The following POPDC2 variants were observed in gnomAD, a reference collection of about 807,000 sequenced individuals.
POPDC2 encodes popeye domain-containing protein 2.
POPDC2 carries 24 observed loss-of-function variants against 30.5 expected under a neutral mutation model. The ratio of observed to expected loss-of-function variants is 0.79; its 90% CI spans 0.57 to 1.11. The LOEUF is 1.11. POPDC2 is among the 50% of genes least tolerant of loss of function. The probability of loss-of-function intolerance (pLI) is 0.00; values close to 1 mark genes in which losing one functional copy is unlikely to be tolerated. For missense variants in POPDC2, 409 were observed against 447.0 expected, an observed-to-expected ratio of 0.91 and a Z score of 0.77; for synonymous variants, 185 against 183.3, an observed-to-expected ratio of 1.01 and a Z score of -0.07.
At chr3:119,645,696 C>T (rs2052738555) in intron 3 of POPDC2, among the ~76,000 whole-genome samples, 1 of 152,118 alleles carries the variant, frequency 6.6e-6, no homozygotes, top group Admixed American at 6.5e-5. Flanking sequence ...CAAGACCCAC[C>T]ACCACAAGGG....
At position 119,642,335 on chromosome 3, in the gene POPDC2, C is replaced by T. The variant is rs1330511899; in HGVS notation, c.*270G>A. 1.6e-5 allele frequency: 10 copies of T among 608,288 alleles called. No individual in the cohort carries two copies. Among genetic ancestry groups the T allele is most frequent in the Non-Finnish European group, 2.7e-5 (9 of 337,338 alleles). 37.7% of individuals were successfully genotyped at this position (608,288 alleles called of 1,614,324 possible). A position where few individuals can be genotyped will look rare whatever the true frequency, so the allele number is the denominator to read the frequency against. On this transcript the variant is annotated 3_prime_UTR_variant, in exon 4 of 4. Transcript: ENST00000493094. ...TCACTTCAGGTCCTTACTGTAGCGA[C>T]AGTGTTGGCACCTTCTGTGTCCTCT...
intron 2 of POPDC2, among the ~76,000 whole-genome samples, chr3:119,653,682 T>C (rs567809167): frequency 2.0e-5 from 3 of 152,236 alleles, no homozygotes; most frequent in Admixed American, 6.5e-5. Context: ...TTTCATCGTG[T>C]TAGCCAGGAT....
chr3:119,658,805 T>G (rs1357395209), intron 1 of POPDC2, among the ~76,000 whole-genome samples: 1 of 152,162 alleles, frequency 6.6e-6, no homozygotes, highest in African/African-American at 2.4e-5. Context: ...TCAGGTTCTA[T>G]AAATGAATAC....
intron 1 of POPDC2, among the ~76,000 whole-genome samples, chr3:119,655,572 T>C (rs2052870076): frequency 6.6e-6 from 1 of 152,192 alleles, no homozygotes; most frequent in Non-Finnish European, 1.5e-5. Context: ...TGAAGATTCA[T>C]GCTTACATTT....
chr3:119,642,341 TG>T lies in POPDC2; in HGVS notation c.*263del, dbSNP rs2052699166. ...CAGGTCCTTACTGTAGCGACAGTGT[TG>T]GCACCTTCTGTGTCCTCTCTCACCT... is the stretch of plus-strand genomic sequence containing the variant. On this transcript the variant is annotated 3_prime_UTR_variant, in exon 4 of 4. Transcript: ENST00000493094. The T allele has an allele frequency of 3.1e-6, 2 of 645,546 alleles. No homozygotes were observed. Among genetic ancestry groups the T allele is most frequent in the Non-Finnish European group, 5.6e-6 (2 of 359,494 alleles). The allele number at this position is 645,546 out of a possible 1,614,324, so 40.0% of individuals were successfully genotyped here.
chr3:119,657,651 C>T (rs1042412481), intron 1 of POPDC2, among the ~76,000 whole-genome samples: 12 of 152,198 alleles, frequency 7.9e-5, no homozygotes, highest in African/African-American at 2.9e-4. Flanking sequence ...TATGTCAGCT[C>T]CTTAGGCGAG....
chr3:119,647,836 A>G (rs777888282), intron 3 of POPDC2, among the ~76,000 whole-genome samples: 10 of 152,212 alleles, frequency 6.6e-5, no homozygotes, highest in Non-Finnish European at 1.2e-4. Context: ...GGCCTCAGCT[A>G]TTAGAATAAA....
At chr3:119,644,063 T>C (rs997896842) in intron 3 of POPDC2, among the ~76,000 whole-genome samples, 1 of 143,866 alleles carries the variant, frequency 7.0e-6, no homozygotes, top group Non-Finnish European at 1.6e-5. Flanking sequence ...CTAAAATATA[T>C]AGTAAATAGT....
intron 3 of POPDC2, among the ~76,000 whole-genome samples, chr3:119,646,918 G>A (rs2052751862): frequency 6.6e-6 from 1 of 152,148 alleles, no homozygotes; most frequent in South Asian, 2.1e-4. Context: ...GGAGTGATCA[G>A]AGTTGTCAAT....
In POPDC2 at chr3:119,653,766, C is replaced by T. The variant is rs181602208; in HGVS notation, c.600+739G>A. Among the ~76,000 whole-genome samples, 360 of 152,286 alleles carry T rather than the reference C, an allele frequency of 2.4e-3. 6 individuals are homozygous for T. Among genetic ancestry groups the T allele is most frequent in the Non-Finnish European group, 9.6e-4 (65 of 68,026 alleles). On this transcript the variant is annotated intron_variant, in intron 2 of 3. Coordinates refer to ENST00000493094, the MANE Select transcript of POPDC2 (RefSeq NM_001369919.2). Reference sequence around the variant, plus strand: ...TGCTGGGATTACAGGCGTGAGCCACCGCGCCCGGCAAGCAATTCTTTACTG... The same window carrying T: ...TGCTGGGATTACAGGCGTGAGCCACTGCGCCCGGCAAGCAATTCTTTACTG...
intron 1 of POPDC2, among the ~76,000 whole-genome samples, chr3:119,658,916 C>CTTTTT (rs35687726): frequency 2.1e-5 from 3 of 139,654 alleles, no homozygotes; most frequent in African/African-American, 2.7e-5. Context: ...TCTGGATTTG[C>CTTTTT]TTTTTTTTTT....
intron 1 of POPDC2, among the ~76,000 whole-genome samples, chr3:119,656,681 C>T (rs1032315290): frequency 5.9e-5 from 9 of 152,114 alleles, no homozygotes; most frequent in Non-Finnish European, 1.0e-4. Flanking sequence ...TCCCCCAACC[C>T]GACCCCTGCC....
In POPDC2 at chr3:119,659,836, CGAAATGGAAAGGGACAT is replaced by C. The variant is rs530148721; in HGVS notation, c.491+80_491+96del. The C allele has an allele frequency of 6.1e-4, 867 of 1,413,342 alleles. 1 individual carries two copies. In the African/African-American group the frequency reaches 7.5e-3, roughly 12 times the overall value. 87.6% of individuals were successfully genotyped at this position (1,413,342 alleles called of 1,614,324 possible). Reference sequence around the variant, plus strand: ...ATCCTTCCCTCAATGGAAGGGGACACGAAATGGAAAGGGACATGAAATGGAAAGGGACACACTAGGAA... The same window carrying C: ...ATCCTTCCCTCAATGGAAGGGGACACGAAATGGAAAGGGACACACTAGGAA... On this transcript the variant is annotated intron_variant, in intron 1 of 3. Coordinates refer to ENST00000493094, the MANE Select transcript of POPDC2 (RefSeq NM_001369919.2).
At position 119,660,397 on chromosome 3, in the gene POPDC2, GC is replaced by G; in HGVS notation, c.26del (p.Gly9AlafsTer24). On this transcript the variant is annotated frameshift_variant, in exon 1 of 4. Coordinates refer to ENST00000493094, the MANE Select transcript of POPDC2 (RefSeq NM_001369919.2). LOFTEE classifies it high-confidence loss of function. ...ACGCTGAACCCTGCAAGAGAAGCTG[GC>G]CCACTCTGCTGCTGTTGGCGCTCAT... MSANSSRVGQLLLQGSACI... is the reference protein window; with the variant it reads MSANSSRVXQLLLQGSACI... The G allele has an allele frequency of 6.2e-7, 1 of 1,613,312 alleles. No individual in the cohort carries two copies. Among genetic ancestry groups the G allele is most frequent in the South Asian group, 1.1e-5 (1 of 91,034 alleles).
intron 1 of POPDC2, among the ~76,000 whole-genome samples, chr3:119,657,021 C>T (rs2052887291): frequency 6.6e-6 from 1 of 152,170 alleles, no homozygotes; most frequent in Admixed American, 6.5e-5. Context: ...GGAACAGTAA[C>T]AGAGGAGAGA....
chr3:119,648,221 C>T lies in POPDC2; in HGVS notation c.1048G>A (p.Glu350Lys). 6.3e-7 allele frequency: 1 copy of T among 1,596,922 alleles called. No homozygotes were observed. The highest frequency in any genetic ancestry group is 8.5e-7 in the Non-Finnish European group (1 of 1,171,198). Residue 350 changes from glutamate to lysine, a missense_variant, in exon 3 of 4, where the codon GAG becomes AAG. Glu to Lys is a moderately conservative substitution (Grantham distance 56, BLOSUM62 1). Coordinates refer to ENST00000493094, the MANE Select transcript of POPDC2 (RefSeq NM_001369919.2). ...STSLVLEDFE[E>K]VSGSESFMDY... ...ATAAACGATTCTGATCCTGACACCT[C>T]CTCAAAATCCTCCAGCACCAGACTG...
chr3:119,655,669 G>T (rs944169590), intron 1 of POPDC2, among the ~76,000 whole-genome samples: 19 of 152,318 alleles, frequency 1.2e-4, no homozygotes, highest in African/African-American at 3.8e-4. Context: ...CTTATATAAT[G>T]TTCACAACAC....
At chr3:119,650,087 C>T (rs1015960218) in intron 2 of POPDC2, among the ~76,000 whole-genome samples, 2 of 152,210 alleles carry the variant, frequency 1.3e-5, no homozygotes, top group South Asian at 4.1e-4. Context: ...CTGCCATGGC[C>T]TGTACCTTAG....
chr3:119,646,554 G>C (rs148949642), intron 3 of POPDC2, among the ~76,000 whole-genome samples: 1 of 152,058 alleles, frequency 6.6e-6, no homozygotes, highest in Non-Finnish European at 1.5e-5. Flanking sequence ...TGGGAGGATC[G>C]CTTGAGCTTT....
Sources: allele counts gnomAD v4.1 joint callset (sites outside exome capture counted in the v4.1 genomes callset), GRCh38; gene constraint gnomAD v4.1.1; transcripts MANE v1.5; gene names NCBI Gene and HGNC (gene_info 2026-07-23, HGNC 2026-07-21).